Variants in CUL4A observed in about 807,000 individuals in gnomAD.
CUL4A encodes cullin-4A.
CUL4A carries 16 observed loss-of-function variants against 95.5 expected under a neutral mutation model. That is an observed-to-expected ratio of 0.17 (90% CI 0.11 to 0.25). CUL4A has a LOEUF of 0.25. CUL4A is among the 10% of genes least tolerant of loss of function. The pLI is 1.00. For missense variants in CUL4A, 610 were observed against 937.0 expected, an observed-to-expected ratio of 0.65 and a Z score of 4.56; for synonymous variants, 380 against 353.1, an observed-to-expected ratio of 1.08 and a Z score of -0.85.
At chr13:113,209,498 C>T, upstream of CUL4A, 1 of 468,938 alleles carries the variant, frequency 2.1e-6, no homozygotes, top group Non-Finnish European at 2.7e-6. Flanking sequence ...CGGTTGGGCT[C>T]GGGCACGCGG....
At chr13:113,253,977 T>G (rs1424787318) in intron 16 of CUL4A, among the ~76,000 whole-genome samples, 2 of 152,208 alleles carry the variant, frequency 1.3e-5, no homozygotes, top group African/African-American at 2.4e-5. Context: ...TGAAACCATA[T>G]ATTCTCTTCC....
chr13:113,247,856 A>G (rs1468624552), intron 15 of CUL4A, among the ~76,000 whole-genome samples: 1 of 152,134 alleles, frequency 6.6e-6, no homozygotes, highest in African/African-American at 2.4e-5. Context: ...TTCTGATGTA[A>G]TACTTTCACC....
Position 113,263,696 on chromosome 13 carries a change from G to A in CUL4A, c.*114G>A, listed in dbSNP as rs971463872. The stretch of plus-strand genomic sequence containing the variant: ...GATCCAGCTGTGGACATTGGAAGGC[G>A]AAGGAAGGGAGGTGGCTCCTGGGTC... On this transcript the variant is annotated 3_prime_UTR_variant, in exon 20 of 20. Transcript: ENST00000375440. 3.0e-5 allele frequency: 18 copies of A among 594,572 alleles called. No homozygotes were observed. The highest frequency in any genetic ancestry group is 5.5e-4 in the Middle Eastern group (2 of 3,612). 36.8% of individuals were successfully genotyped at this position (594,572 alleles called of 1,614,324 possible).
intron 19 of CUL4A, among the ~76,000 whole-genome samples, chr13:113,262,348 A>G (rs2042302748): frequency 6.6e-6 from 1 of 152,172 alleles, no homozygotes; most frequent in Non-Finnish European, 1.5e-5. Context: ...TAACTATGTA[A>G]ATACACGAGA....
At chr13:113,233,860 T>C in intron 6 of CUL4A, 37 bp from the exon 7 acceptor site, 1 of 1,118,000 alleles carries the variant, frequency 8.9e-7, no homozygotes. Context: ...ATAGTTTCCT[T>C]TACTGAAATT....
At chr13:113,215,739 C>G (rs542700432) in intron 2 of CUL4A, among the ~76,000 whole-genome samples, 1 of 135,826 alleles carries the variant, frequency 7.4e-6, no homozygotes. Flanking sequence ...GGTCGCGTCC[C>G]GTGTGGCTGT....
rs533390676 is a variant in CUL4A, at chr13:113,261,657, G to A, written c.2184+898G>A. Among the ~76,000 whole-genome samples, 5 of 152,362 alleles carry A rather than the reference G, an allele frequency of 3.3e-5. No individual in the cohort carries two copies. In the South Asian group the frequency reaches 1.0e-3, roughly 32 times the overall value. On this transcript the variant is annotated intron_variant, in intron 19 of 19. Transcript: ENST00000375440. ...CCCAGCGCGAAGCAGAGGTGAGCAA[G>A]AGTGGAGTGTGGCAGACCAGGGCAC...
intron 3 of CUL4A, among the ~76,000 whole-genome samples, chr13:113,222,252 C>T (rs2040925679): frequency 6.6e-6 from 1 of 152,140 alleles, no homozygotes; most frequent in Admixed American, 6.5e-5. Flanking sequence ...TGTTCAGGCA[C>T]AGCATGGCTG....
At chr13:113,253,038 G>A (rs761711455) in intron 15 of CUL4A, 44 bp from the exon 16 acceptor site, 2 of 932,176 alleles carry the variant, frequency 2.1e-6, no homozygotes, top group African/African-American at 1.7e-5. Context: ...CTATTGAGAT[G>A]GATGGTGTGT....
At chr13:113,257,748 C>T (rs1193988957) in intron 18 of CUL4A, among the ~76,000 whole-genome samples, 1 of 152,088 alleles carries the variant, frequency 6.6e-6, no homozygotes, top group Non-Finnish European at 1.5e-5. Context: ...AGAGAAATTC[C>T]CTTAACCAGA....
At chr13:113,243,273 G>A in intron 11 of CUL4A, 113 bp downstream of exon 11, 1 of 964,524 alleles carries the variant, frequency 1.0e-6, no homozygotes, top group Non-Finnish European at 1.5e-6. Flanking sequence ...TGTTCAAGCT[G>A]CTCAAGGGGT....
In CUL4A at chr13:113,244,984, T is replaced by C. The variant is rs997958662; in HGVS notation, c.1369T>C (p.Leu457=). ...DVFEAFYKKD[L]AKRLLVGKSA... The stretch of plus-strand genomic sequence containing the variant: ...CTTTGAAGCATTTTATAAAAAAGAT[T>C]TGGCAAAAAGACTCCTTGTTGGGAA... The change falls in exon 13 of 20, where the codon TTG becomes CTG. Residue 457 remains leucine, a synonymous_variant. Transcript: ENST00000375440. 9.3e-6 allele frequency: 15 copies of C among 1,613,824 alleles called. No individual in the cohort carries two copies. The highest frequency in any genetic ancestry group is 2.7e-5 in the African/African-American group (2 of 74,934).
At chr13:113,223,665 G>A (rs1230703463) in intron 3 of CUL4A, among the ~76,000 whole-genome samples, 1 of 152,180 alleles carries the variant, frequency 6.6e-6, no homozygotes, top group Non-Finnish European at 1.5e-5. Context: ...CCAAAGTGTT[G>A]GGATTACAGG....
At chr13:113,216,298 T>G (rs1264403873) in intron 2 of CUL4A, among the ~76,000 whole-genome samples, 4 of 152,226 alleles carry the variant, frequency 2.6e-5, no homozygotes, top group Non-Finnish European at 1.5e-5. Context: ...CAGTGAGCAT[T>G]TTGTTTAAGT....
At chr13:113,260,987 G>A (rs140024533) in intron 19 of CUL4A, among the ~76,000 whole-genome samples, 99 of 152,250 alleles carry the variant, frequency 6.5e-4, no homozygotes, top group East Asian at 1.4e-3. Flanking sequence ...GGGATGGTGC[G>A]CGCTTGTTCA....
At chr13:113,237,784 A>G (rs190852758) in intron 9 of CUL4A, among the ~76,000 whole-genome samples, 3 of 152,330 alleles carry the variant, frequency 2.0e-5, no homozygotes, top group Admixed American at 1.3e-4. Context: ...TGGGTTCTAC[A>G]TTGTCAGATA....
intron 3 of CUL4A, among the ~76,000 whole-genome samples, chr13:113,226,662 T>C (rs2041115411): frequency 6.6e-6 from 1 of 152,170 alleles, no homozygotes; most frequent in Non-Finnish European, 1.5e-5. Flanking sequence ...ATTTGGTGCA[T>C]GGATGAGAGT....
At chr13:113,233,544 A>T (rs2041435156) in intron 6 of CUL4A, among the ~76,000 whole-genome samples, 1 of 152,182 alleles carries the variant, frequency 6.6e-6, no homozygotes, top group African/African-American at 2.4e-5. Context: ...CAATATCACT[A>T]CATAAAATGC....
chr13:113,225,511 C>T (rs1331283437), intron 3 of CUL4A, among the ~76,000 whole-genome samples: 1 of 152,254 alleles, frequency 6.6e-6, no homozygotes, highest in African/African-American at 2.4e-5. Context: ...GACTTTCCAT[C>T]TTAACAAGAC....
Sources: allele counts gnomAD v4.1 joint callset (sites outside exome capture counted in the v4.1 genomes callset), GRCh38; gene constraint gnomAD v4.1.1; transcripts MANE v1.5; gene names NCBI Gene and HGNC (gene_info 2026-07-23, HGNC 2026-07-21).